BMPER: variants seen among roughly 807,000 people sequenced by gnomAD.
BMPER encodes the protein BMP binding endothelial regulator.
Under a neutral mutation model 87.3 loss-of-function variants are expected in BMPER, and 45 were observed. The observed-to-expected ratio is 0.52, with a 90% CI of 0.41 to 0.66. The LOEUF is 0.66. Ranked by LOEUF, BMPER falls within the 30% of genes least tolerant of loss-of-function variation. The pLI, the probability that BMPER is intolerant of heterozygous loss-of-function variation, is 0.00. For missense variants in BMPER, 784 were observed against 867.5 expected (o/e 0.90, Z 1.21); for synonymous variants, 326 against 316.2 (o/e 1.03, Z -0.33).
At chr7:33,969,919 C>T (rs1785496027) in intron 4 of BMPER, among the ~76,000 whole-genome samples, 1 of 152,086 alleles carries the variant, frequency 6.6e-6, no homozygotes, top group South Asian at 2.1e-4. Context: ...GGTTAAGATG[C>T]TTATATGCTG....
chr7:34,148,225 A>C (rs1791079783), intron 14 of BMPER, among the ~76,000 whole-genome samples: 1 of 152,076 alleles, frequency 6.6e-6, no homozygotes, highest in Admixed American at 6.5e-5. Flanking sequence ...TCTCCCTGTC[A>C]TTGTCTGTCT....
At chr7:33,908,986 C>T (rs188076594) in intron 2 of BMPER, among the ~76,000 whole-genome samples, 1 of 152,192 alleles carries the variant, frequency 6.6e-6, no homozygotes, top group African/African-American at 2.4e-5. Context: ...TTTCAAAGCA[C>T]TCCGGACAGC....
At chr7:33,916,103 A>G (rs941577317) in intron 2 of BMPER, among the ~76,000 whole-genome samples, 5 of 152,228 alleles carry the variant, frequency 3.3e-5, no homozygotes, top group African/African-American at 1.2e-4. Flanking sequence ...ATTTATGGCA[A>G]TTTATTGTCA....
intron 3 of BMPER, among the ~76,000 whole-genome samples, chr7:33,956,908 G>A (rs1162601469): frequency 6.6e-6 from 1 of 152,108 alleles, no homozygotes; most frequent in Non-Finnish European, 1.5e-5. Context: ...ACTTCAAGAG[G>A]GTTGGTCAAG....
At chr7:33,970,516 T>A in intron 5 of BMPER, 97 bp downstream of exon 5, 1 of 1,229,302 alleles carries the variant, frequency 8.1e-7, no homozygotes, top group Non-Finnish European at 1.2e-6. Context: ...TTCCTCACTT[T>A]ACATCTGTGT....
chr7:34,138,458 T>G (rs1404468668), intron 13 of BMPER, among the ~76,000 whole-genome samples: 1 of 152,226 alleles, frequency 6.6e-6, no homozygotes, highest in Non-Finnish European at 1.5e-5. Flanking sequence ...GCCAGCTCCC[T>G]GGGCCCCTGC....
intron 6 of BMPER, among the ~76,000 whole-genome samples, chr7:34,031,880 G>A (rs1295726669): frequency 3.3e-5 from 3 of 90,208 alleles, no homozygotes; most frequent in Admixed American, 1.5e-4. Context: ...AAATTAATTT[G>A]ACCATATATA....
intron 6 of BMPER, among the ~76,000 whole-genome samples, chr7:33,980,331 A>G (rs1024546730): frequency 6.6e-6 from 1 of 152,232 alleles, no homozygotes; most frequent in African/African-American, 2.4e-5. Context: ...TTCAGTGCGA[A>G]TAAGCACTAT....
intron 5 of BMPER, among the ~76,000 whole-genome samples, chr7:33,974,231 G>A (rs1179242810): frequency 6.6e-6 from 1 of 152,198 alleles, no homozygotes; most frequent in Non-Finnish European, 1.5e-5. Context: ...CATTGGGGAT[G>A]TGGAGTGAGA....
At chr7:34,106,593 C>T (rs760542549) in intron 13 of BMPER, among the ~76,000 whole-genome samples, 15 of 152,322 alleles carry the variant, frequency 9.8e-5, no homozygotes, top group South Asian at 4.1e-4. Context: ...CTAAGCTGTC[C>T]GCTTTGCCAG....
At chr7:34,016,592 A>T (rs1037631890) in intron 6 of BMPER, among the ~76,000 whole-genome samples, 5 of 151,926 alleles carry the variant, frequency 3.3e-5, no homozygotes, top group Admixed American at 6.6e-5. Flanking sequence ...CTGGGGTGGA[A>T]TTACTGAGTT....
At chr7:34,041,627 G>T (rs915498224) in intron 6 of BMPER, among the ~76,000 whole-genome samples, 1 of 152,064 alleles carries the variant, frequency 6.6e-6, no homozygotes, top group African/African-American at 2.4e-5. Flanking sequence ...TGGTTGCTTT[G>T]CTCACATATC....
intron 6 of BMPER, among the ~76,000 whole-genome samples, chr7:34,041,592 T>C (rs1218531645): frequency 2.6e-5 from 4 of 152,124 alleles, no homozygotes. Context: ...TGGTGAAGCT[T>C]TTTGACCCAA....
chr7:34,081,146 C>T (rs1215615378), intron 12 of BMPER, among the ~76,000 whole-genome samples: 1 of 152,214 alleles, frequency 6.6e-6, no homozygotes, highest in Admixed American at 6.5e-5. Context: ...ACTTACTTTA[C>T]ACTTATTCTT....
At chr7:33,908,191 A>AGT (rs373194623) in intron 2 of BMPER, among the ~76,000 whole-genome samples, 1 of 152,122 alleles carries the variant, frequency 6.6e-6, no homozygotes, top group Admixed American at 6.5e-5. Context: ...TTACAAATGC[A>AGT]GTGTGTGTGT....
chr7:34,130,141 C>G (rs1163542600), intron 13 of BMPER, among the ~76,000 whole-genome samples: 1 of 151,960 alleles, frequency 6.6e-6, no homozygotes, highest in Non-Finnish European at 1.5e-5. Flanking sequence ...TCTTGGACTT[C>G]CTTCCCCGCT....
chr7:33,980,462 A>G (rs892696747), intron 6 of BMPER, among the ~76,000 whole-genome samples: 3 of 152,234 alleles, frequency 2.0e-5, no homozygotes, highest in African/African-American at 4.8e-5. Context: ...TGTATAGCAA[A>G]CAGCTTTGTG....
At chr7:34,142,114 G>T (rs189941519) in intron 13 of BMPER, among the ~76,000 whole-genome samples, 1 of 152,176 alleles carries the variant, frequency 6.6e-6, no homozygotes, top group African/African-American at 2.4e-5. Context: ...GCTGAACAAG[G>T]TTGTGAAAAA....
intron 5 of BMPER, among the ~76,000 whole-genome samples, chr7:33,974,445 A>T (rs1472527773): frequency 1.3e-5 from 2 of 152,034 alleles, no homozygotes; most frequent in Non-Finnish European, 2.9e-5. Context: ...ACGGCTCTCT[A>T]TGCTGCACTA....
Sources: gnomAD v4.1 joint callset for allele counts (sites outside exome capture counted in the v4.1 genomes callset) on GRCh38, gnomAD v4.1.1 for gene constraint, MANE v1.5 for transcripts, NCBI Gene and HGNC (gene_info 2026-07-23, HGNC 2026-07-21) for gene names.